Variants in RASGRF2 observed in about 807,000 individuals in gnomAD.
RASGRF2 encodes Ras protein specific guanine nucleotide releasing factor 2, also known as ras-specific guanine nucleotide-releasing factor 2.
A neutral mutation model predicts 151.0 loss-of-function variants in RASGRF2; 76 were observed. The observed-to-expected ratio is 0.50, with a 90% CI of 0.42 to 0.61. RASGRF2 has a LOEUF of 0.61. RASGRF2 is among the 20% of genes least tolerant of loss of function. The pLI is 0.00. For synonymous variants in RASGRF2, 504 were observed against 566.5 expected, an observed-to-expected ratio of 0.89 and a Z score of 1.57; for missense variants, 1,148 against 1,564.6, an observed-to-expected ratio of 0.73 and a Z score of 4.49.
chr5:81,137,526 T>C (rs781541179), intron 17 of RASGRF2, among the ~76,000 whole-genome samples: 9 of 152,196 alleles, frequency 5.9e-5, no homozygotes, highest in African/African-American at 1.4e-4. Flanking sequence ...ACTAAATGCA[T>C]ATGTGGAGGT....
intron 10 of RASGRF2, among the ~76,000 whole-genome samples, chr5:81,093,440 C>G (rs1752449212): frequency 6.6e-6 from 1 of 152,086 alleles, no homozygotes; most frequent in African/African-American, 2.4e-5. Context: ...GAGATAGGAT[C>G]TCACTCTGTT....
intron 1 of RASGRF2, among the ~76,000 whole-genome samples, chr5:80,969,512 G>A (rs190617745): frequency 6.0e-5 from 9 of 149,932 alleles, no homozygotes; most frequent in Non-Finnish European, 7.4e-5. Flanking sequence ...GCAGTGGCGC[G>A]ATCTTGGCTC....
chr5:81,205,518 C>T (rs75514521), intron 19 of RASGRF2, among the ~76,000 whole-genome samples: 3,925 of 152,260 alleles, frequency 0.026, 167 homozygotes, highest in East Asian at 0.2. Context: ...TGGCATAGAG[C>T]GGGCATACAG....
Position 81,116,066 on chromosome 5 carries a change from C to CTTTTTTTTTTT in RASGRF2, c.2470+2170_2470+2180dup, listed in dbSNP as rs575647502. 5.1e-4 allele frequency among the ~76,000 whole-genome samples: 25 copies of CTTTTTTTTTTT among 49,064 alleles called. 7 individuals carry two copies. The highest frequency in any genetic ancestry group is 3.1e-3 in the East Asian group (3 of 954). The allele number at this position is 49,064 out of a possible 152,430, so 32.2% of individuals were successfully genotyped here. Reference sequence around the variant, plus strand: ...TAATCACTAGTGGTGAATGCCATTTCTTTTTTTTTTTTTTTTTTTTTTTTT... The same window carrying CTTTTTTTTTTT: ...TAATCACTAGTGGTGAATGCCATTTCTTTTTTTTTTTTTTTTTTTTTTTTTTTTTTTTTTTT... On this transcript the variant is annotated intron_variant, in intron 15 of 26. Transcript: ENST00000265080.
intron 1 of RASGRF2, among the ~76,000 whole-genome samples, chr5:80,998,589 G>C (rs1341366636): frequency 6.6e-6 from 1 of 152,128 alleles, no homozygotes; most frequent in East Asian, 1.9e-4. Flanking sequence ...ATTTTAGCAG[G>C]CTTCCTATTT....
At chr5:81,193,346 A>G (rs1755190197) in intron 18 of RASGRF2, among the ~76,000 whole-genome samples, 1 of 152,158 alleles carries the variant, frequency 6.6e-6, no homozygotes, top group African/African-American at 2.4e-5. Context: ...ATCTAGCCTC[A>G]TTAATGCAAA....
intron 1 of RASGRF2, among the ~76,000 whole-genome samples, chr5:81,026,481 C>T (rs568916712): frequency 6.6e-6 from 1 of 152,176 alleles, no homozygotes; most frequent in South Asian, 2.1e-4. Flanking sequence ...AACTCTTGGC[C>T]CACATCCTGG....
intron 17 of RASGRF2, among the ~76,000 whole-genome samples, chr5:81,157,708 T>C (rs747805990): frequency 6.6e-6 from 1 of 152,164 alleles, no homozygotes; most frequent in Non-Finnish European, 1.5e-5. Context: ...GAAGACACCT[T>C]TTCACAGGGC....
chr5:81,157,736 G>C (rs1347201383), intron 17 of RASGRF2, among the ~76,000 whole-genome samples: 1 of 152,218 alleles, frequency 6.6e-6, no homozygotes, highest in Non-Finnish European at 1.5e-5. Flanking sequence ...GAGAGAATGA[G>C]TGCCAGCAGG....
intron 2 of RASGRF2, among the ~76,000 whole-genome samples, chr5:81,060,278 A>C (rs1328889930): frequency 6.6e-6 from 1 of 152,154 alleles, no homozygotes. Flanking sequence ...CCACTTTGTC[A>C]TTCCCTAGAC....
At chr5:81,045,674 C>G (rs1232112009) in intron 2 of RASGRF2, among the ~76,000 whole-genome samples, 1 of 152,164 alleles carries the variant, frequency 6.6e-6, no homozygotes, top group East Asian at 1.9e-4. Flanking sequence ...AGACCTAGGA[C>G]TGGGTTCTTT....
chr5:80,961,948 C>T (rs1363392588), intron 1 of RASGRF2, among the ~76,000 whole-genome samples: 1 of 152,154 alleles, frequency 6.6e-6, no homozygotes, highest in Non-Finnish European at 1.5e-5. Flanking sequence ...CAATCCCCAC[C>T]TTGATATGAA....
intron 8 of RASGRF2, 55 bp from the exon 9 acceptor site, chr5:81,086,780 T>C (rs201369193): frequency 1.5e-5 from 21 of 1,437,418 alleles, no homozygotes; most frequent in Non-Finnish European, 2.0e-5. Context: ...TTTGCCTACA[T>C]GCTAGGGCAA....
chr5:81,058,853 A>C (rs1459673930), intron 2 of RASGRF2, among the ~76,000 whole-genome samples: 1 of 151,972 alleles, frequency 6.6e-6, no homozygotes, highest in African/African-American at 2.4e-5. Flanking sequence ...TTAGATGATA[A>C]ATCATATTAG....
intron 7 of RASGRF2, among the ~76,000 whole-genome samples, chr5:81,081,455 T>C (rs1470059264): frequency 6.6e-6 from 1 of 152,176 alleles, no homozygotes; most frequent in Non-Finnish European, 1.5e-5. Context: ...GATCTAGGAC[T>C]TTACCGTTAA....
intron 17 of RASGRF2, among the ~76,000 whole-genome samples, chr5:81,138,277 T>C (rs78421022): frequency 0.016 from 2,449 of 152,248 alleles, 76 homozygotes; most frequent in African/African-American, 0.055. Context: ...ATAGCTTCTT[T>C]TCCCACTGCC....
chr5:81,060,702 A>G (rs1376298862), intron 2 of RASGRF2, among the ~76,000 whole-genome samples: 2 of 152,224 alleles, frequency 1.3e-5, no homozygotes, highest in Admixed American at 6.5e-5. Context: ...ACCCAGGAAG[A>G]AGGAAATCAT....
intron 2 of RASGRF2, among the ~76,000 whole-genome samples, chr5:81,051,158 A>G (rs775879275): frequency 3.9e-5 from 6 of 152,140 alleles, no homozygotes; most frequent in Non-Finnish European, 8.8e-5. Context: ...TGTATGACAA[A>G]AATATATTCA....
chr5:81,131,230 C>T (rs976320641), intron 17 of RASGRF2, among the ~76,000 whole-genome samples: 6 of 152,076 alleles, frequency 3.9e-5, no homozygotes, highest in African/African-American at 1.4e-4. Flanking sequence ...TGCCTGACCC[C>T]GGGGGCAAGG....
Sources: allele counts gnomAD v4.1 joint callset (sites outside exome capture counted in the v4.1 genomes callset), GRCh38; gene constraint gnomAD v4.1.1; transcripts MANE v1.5; gene names NCBI Gene and HGNC (gene_info 2026-07-23, HGNC 2026-07-21).